Variants in COL4A3 observed in about 807,000 individuals in gnomAD.
COL4A3 encodes collagen type IV alpha 3 chain, also known as collagen alpha-3(IV) chain.
COL4A3 carries 135 observed loss-of-function variants against 217.4 expected under a neutral mutation model. The ratio of observed to expected loss-of-function variants is 0.62; its 90% CI spans 0.54 to 0.72. The LOEUF is 0.72. COL4A3 is among the 30% of genes least tolerant of loss of function. The pLI is 0.00. For synonymous variants in COL4A3, 690 were observed against 736.3 expected, an observed-to-expected ratio of 0.94 and a Z score of 1.02; for missense variants, 1,868 against 2,119.9, an observed-to-expected ratio of 0.88 and a Z score of 2.33.
In COL4A3 at chr2:227,294,698, T is replaced by C. The variant is rs549863856; in HGVS notation, c.3418+128T>C. Reference sequence around the variant, plus strand: ...TAGTTACTCAGTATCCAGACAAAAATGCAAAAAAAATGGGGTTAGATATTT... The same window carrying C: ...TAGTTACTCAGTATCCAGACAAAAACGCAAAAAAAATGGGGTTAGATATTT... On this transcript the variant is annotated intron_variant, in intron 39 of 51. Coordinates refer to ENST00000396578, the MANE Select transcript of COL4A3 (RefSeq NM_000091.5). The C allele has an allele frequency of 1.3e-5, 10 of 777,472 alleles. No homozygotes were observed. The East Asian group carries it at 2.6e-4, about 20-fold the overall frequency. 48.2% of individuals were successfully genotyped at this position (777,472 alleles called of 1,614,324 possible). A position where few individuals can be genotyped will look rare whatever the true frequency, so the allele number is the denominator to read the frequency against.
intron 1 of COL4A3, among the ~76,000 whole-genome samples, chr2:227,224,596 T>TA (rs1280420667): frequency 6.6e-6 from 1 of 151,946 alleles, no homozygotes; most frequent in Non-Finnish European, 1.5e-5. Context: ...ACTAAAAATA[T>TA]AAAAAATTAG....
chr2:227,296,483 C>A, intron 41 of COL4A3: 1 of 981,550 alleles, frequency 1.0e-6, no homozygotes, highest in Non-Finnish European at 1.2e-6. Context: ...CTCAATCCCT[C>A]TAGGATAACT....
chr2:227,298,761 C>T lies in COL4A3; in HGVS notation c.3831C>T (p.Gly1277=). The change falls in exon 43 of 52, where the codon GGC becomes GGT. Residue 1277 remains glycine (G), a synonymous_variant. Coordinates refer to ENST00000396578, the MANE Select transcript of COL4A3 (RefSeq NM_000091.5). ...ACAAAGGGTCTATGGGCCACCCTGG[C>T]CCAAAAGGTCCACCTGGAACTGCAG... ...KGDKGSMGHP[G]PKGPPGTAGD... The T allele has an allele frequency of 6.2e-7, 1 of 1,613,996 alleles. No individual in the cohort carries two copies. The highest frequency in any genetic ancestry group is 8.5e-7 in the Non-Finnish European group (1 of 1,179,970).
chr2:227,241,021 T>A (rs887814795), intron 3 of COL4A3, among the ~76,000 whole-genome samples: 5 of 152,218 alleles, frequency 3.3e-5, no homozygotes, highest in Non-Finnish European at 5.9e-5. Context: ...ATTTCTCCTG[T>A]CTCTCTATCC....
At chr2:227,203,330 C>T (rs202106743) in intron 1 of COL4A3, among the ~76,000 whole-genome samples, 179 of 7,974 alleles carry the variant, frequency 0.022, 13 homozygotes, top group South Asian at 0.05. Context: ...TATGTGTATA[C>T]ATACATATAT....
Position 227,294,579 on chromosome 2 carries a change from T to G in COL4A3, c.3418+9T>G. 1 of 1,598,464 alleles carries G rather than the reference T, an allele frequency of 6.3e-7. No homozygotes were observed. Among genetic ancestry groups the G allele is most frequent in the Middle Eastern group, 1.7e-4 (1 of 6,030 alleles). ...AATCAGAGGCCCTCCAGGTTTCATT[T>G]TTGTACTTTCTCTTTTTCCTTTTCA... On this transcript the variant is annotated intron_variant, in intron 39 of 51. Transcript: ENST00000396578.
chr2:227,269,790 A>G (rs1010768505), intron 23 of COL4A3, 120 bp from the exon 24 acceptor site: 5 of 784,122 alleles, frequency 6.4e-6, no homozygotes, highest in Admixed American at 2.0e-5. Flanking sequence ...ATGTTTTATG[A>G]TAGAAGTTGT....
Position 227,202,847 on chromosome 2 carries a change from A to ATATGTGTATATATGTGTATC in COL4A3, c.88-35108_88-35107insGTGTATCTATGTGTATATAT, listed in dbSNP as rs1491573147. On this transcript the variant is annotated intron_variant, in intron 1 of 51. Coordinates refer to ENST00000396578, the MANE Select transcript of COL4A3 (RefSeq NM_000091.5). ...TATGTGTATCTATGTGTATATATACATATGTGTATATATACATATATGTGT... is the reference window on the plus strand; with the variant it reads ...TATGTGTATCTATGTGTATATATACATATGTGTATATATGTGTATCTATGTGTATATATACATATATGTGT... Among the ~76,000 whole-genome samples, 130 of 35,686 alleles carry ATATGTGTATATATGTGTATC rather than the reference A, an allele frequency of 3.6e-3. 33 individuals are homozygous for ATATGTGTATATATGTGTATC. The highest frequency in any genetic ancestry group is 4.7e-3 in the Non-Finnish European group (92 of 19,658). The allele number at this position is 35,686 out of a possible 152,430, so 23.4% of individuals were successfully genotyped here.
In COL4A3 at chr2:227,191,065, A is replaced by G. The variant is rs564322903; in HGVS notation, c.87+26252A>G. 1.5e-4 allele frequency among the ~76,000 whole-genome samples: 23 copies of G among 152,308 alleles called. No homozygotes were observed. The highest frequency in any genetic ancestry group is 1.4e-3 in the Admixed American group (21 of 15,300). On this transcript the variant is annotated intron_variant, in intron 1 of 51. Coordinates refer to ENST00000396578, the MANE Select transcript of COL4A3 (RefSeq NM_000091.5). The surrounding 1 kb of genome is among the most constrained non-coding windows in gnomAD (Gnocchi z 6.8). The stretch of plus-strand genomic sequence containing the variant: ...AGATGCAAAGGTTATTATATATGAA[A>G]TTTTATGTCTTTTTTCTCTTAAAAA...
chr2:227,245,421 A>G (rs1574672279), intron 5 of COL4A3, among the ~76,000 whole-genome samples: 1 of 152,232 alleles, frequency 6.6e-6, no homozygotes, highest in Non-Finnish European at 1.5e-5. Context: ...GACTTTAAGC[A>G]TACAGGAGGA....
At chr2:227,289,035 C>T (rs2072516664) in intron 34 of COL4A3, 115 bp from the exon 35 acceptor site, 11 of 710,200 alleles carry the variant, frequency 1.5e-5, no homozygotes. Context: ...ACTTCAACCT[C>T]TGTCTCCCAG....
chr2:227,219,763 ATATATTT>A (rs2067685633), intron 1 of COL4A3, among the ~76,000 whole-genome samples: 1 of 152,144 alleles, frequency 6.6e-6, no homozygotes, highest in South Asian at 2.1e-4. Flanking sequence ...TACCACAGTT[ATATATTT>A]TATATAGTTA....
intron 1 of COL4A3, among the ~76,000 whole-genome samples, chr2:227,178,471 A>G (rs964986884): frequency 2.6e-5 from 4 of 152,234 alleles, no homozygotes; most frequent in African/African-American, 7.2e-5. Context: ...CATTTTTTAA[A>G]TGATTATGTA....
At chr2:227,232,956 G>T (rs1284391531) in intron 1 of COL4A3, among the ~76,000 whole-genome samples, 1 of 152,106 alleles carries the variant, frequency 6.6e-6, no homozygotes, top group East Asian at 1.9e-4. Context: ...TTAATATCCA[G>T]AAGGACTCTA....
At chr2:227,284,128 T>A (rs2072169668) in intron 33 of COL4A3, 83 bp from the exon 34 acceptor site, 12 of 1,568,870 alleles carry the variant, frequency 7.6e-6, no homozygotes, top group African/African-American at 1.4e-5. Flanking sequence ...TTGTTCTGTT[T>A]TATAGTAAGC....
intron 11 of COL4A3, 73 bp downstream of exon 11, chr2:227,251,444 T>C: frequency 7.1e-7 from 1 of 1,418,190 alleles, no homozygotes; most frequent in Non-Finnish European, 9.9e-7. Context: ...GGTCTGCTTC[T>C]TCATGTGGGT....
intron 1 of COL4A3, among the ~76,000 whole-genome samples, chr2:227,168,298 G>A (rs2065348352): frequency 6.6e-6 from 1 of 152,226 alleles, no homozygotes; most frequent in East Asian, 1.9e-4. Context: ...TACCAACAAT[G>A]TACCAGAGTG....
chr2:227,305,945 T>C (rs1476774762), intron 47 of COL4A3, among the ~76,000 whole-genome samples: 6 of 152,204 alleles, frequency 3.9e-5, no homozygotes, highest in Non-Finnish European at 2.9e-5. Flanking sequence ...AGATCTACTA[T>C]ATTAAAATGG....
chr2:227,307,326 A>G (rs2073548534), intron 47 of COL4A3, among the ~76,000 whole-genome samples: 2 of 152,194 alleles, frequency 1.3e-5, no homozygotes, highest in South Asian at 4.1e-4. Flanking sequence ...TTTGTTATCT[A>G]CTCGAATAGA....
Sources: gnomAD v4.1 joint callset for allele counts (sites outside exome capture counted in the v4.1 genomes callset) on GRCh38, gnomAD v4.1.1 for gene constraint, Gnocchi (gnomAD v3.1) non-coding constraint, MANE v1.5 for transcripts, NCBI Gene and HGNC (gene_info 2026-07-23, HGNC 2026-07-21) for gene names.